MACROD2: variants seen among roughly 807,000 people sequenced by gnomAD.
MACROD2 encodes the protein mono-ADP ribosylhydrolase 2.
Under a neutral mutation model 70.4 loss-of-function variants are expected in MACROD2, and 36 were observed. That is an observed-to-expected ratio of 0.51 (90% CI 0.39 to 0.68). The LOEUF (loss-of-function observed/expected upper bound fraction) is 0.68, where lower values mean the gene tolerates loss of function less well. MACROD2 is among the 30% of genes least tolerant of loss of function. The pLI is 0.00. For missense variants in MACROD2, 496 were observed against 538.4 expected (o/e 0.92, Z 0.78); for synonymous variants, 172 against 178.8 (o/e 0.96, Z 0.30).
intron 4 of MACROD2, among the ~76,000 whole-genome samples, chr20:14,560,421 A>G (rs1979354352): frequency 6.6e-6 from 1 of 151,812 alleles, no homozygotes; most frequent in Admixed American, 6.6e-5. Flanking sequence ...ATATTCAGAT[A>G]CAGACATCAT....
chr20:14,793,900 G>A (rs1429405993), intron 5 of MACROD2, among the ~76,000 whole-genome samples: 1 of 152,064 alleles, frequency 6.6e-6, no homozygotes, highest in East Asian at 1.9e-4. Context: ...GGGCTTCTCT[G>A]ACAGTAATGA....
At chr20:14,709,412 C>G (rs2071310972) in intron 5 of MACROD2, among the ~76,000 whole-genome samples, 1 of 152,108 alleles carries the variant, frequency 6.6e-6, no homozygotes, top group East Asian at 1.9e-4. Flanking sequence ...CTCTCACACA[C>G]TCACATAAGG....
chr20:15,571,883 A>G (rs2048380831), intron 8 of MACROD2, among the ~76,000 whole-genome samples: 1 of 152,148 alleles, frequency 6.6e-6, no homozygotes, highest in South Asian at 2.1e-4. Context: ...CAAGTTCTGT[A>G]ATTTTTTTAA....
chr20:14,186,932 CAG>C (rs758026125), intron 3 of MACROD2, among the ~76,000 whole-genome samples: 24 of 152,016 alleles, frequency 1.6e-4, no homozygotes, highest in Non-Finnish European at 3.2e-4. Context: ...GCAGTAGACA[CAG>C]GGCACTGGGG....
chr20:15,071,617 T>C, intron 5 of MACROD2, among the ~76,000 whole-genome samples: 1 of 152,232 alleles, frequency 6.6e-6, no homozygotes, highest in East Asian at 1.9e-4. Context: ...CTGATTGTGT[T>C]GATTTTGCCC....
At chr20:15,430,613 A>G (rs1443722209) in intron 6 of MACROD2, among the ~76,000 whole-genome samples, 1 of 152,012 alleles carries the variant, frequency 6.6e-6, no homozygotes, top group Non-Finnish European at 1.5e-5. Context: ...ATTTTTTTCA[A>G]TCAAATTCTC....
chr20:14,143,179 T>C (rs1202059839), intron 3 of MACROD2, among the ~76,000 whole-genome samples: 3 of 152,202 alleles, frequency 2.0e-5, no homozygotes, highest in Admixed American at 1.3e-4. Context: ...GCTTTGTACA[T>C]TGTTTTCAAT....
chr20:14,795,721 TCATCAAC>T (rs892039390), intron 5 of MACROD2, among the ~76,000 whole-genome samples: 18 of 152,054 alleles, frequency 1.2e-4, no homozygotes. Context: ...TTTTTAAAAA[TCATCAAC>T]CATGTATCTG....
At chr20:15,740,287 G>A (rs986962080) in intron 8 of MACROD2, among the ~76,000 whole-genome samples, 15 of 152,202 alleles carry the variant, frequency 9.9e-5, no homozygotes, top group Non-Finnish European at 2.1e-4. Context: ...GTGAGCCCTG[G>A]AGGAAAAGAA....
intron 8 of MACROD2, among the ~76,000 whole-genome samples, chr20:15,785,510 A>G (rs1266040313): frequency 6.6e-6 from 1 of 152,198 alleles, no homozygotes; most frequent in African/African-American, 2.4e-5. Flanking sequence ...TAGGGGAGAA[A>G]AAACATAAGG....
intron 4 of MACROD2, among the ~76,000 whole-genome samples, chr20:14,550,786 A>T (rs1456263189): frequency 4.6e-5 from 7 of 152,216 alleles, no homozygotes; most frequent in Non-Finnish European, 1.0e-4. Flanking sequence ...CATAGTCAGT[A>T]TTCAATGGCC....
At chr20:14,289,535 CTGTT>C (rs889408167) in intron 3 of MACROD2, among the ~76,000 whole-genome samples, 20 of 152,176 alleles carry the variant, frequency 1.3e-4, no homozygotes, top group African/African-American at 2.6e-4. Flanking sequence ...TTCTCATAGT[CTGTT>C]TGTTTGTTTT....
chr20:15,362,419 G>C (rs2146246792), intron 6 of MACROD2, among the ~76,000 whole-genome samples: 1 of 145,290 alleles, frequency 6.9e-6, no homozygotes, highest in Admixed American at 6.8e-5. Flanking sequence ...CATGATGTTA[G>C]CTGTAGGTTT....
At chr20:14,943,805 G>T (rs554186894) in intron 5 of MACROD2, among the ~76,000 whole-genome samples, 2 of 152,132 alleles carry the variant, frequency 1.3e-5, no homozygotes, top group Admixed American at 6.5e-5. Context: ...GCATGTTCCT[G>T]ACTTTCTATA....
At chr20:15,443,861 G>C (rs1326970801) in intron 7 of MACROD2, among the ~76,000 whole-genome samples, 3 of 152,044 alleles carry the variant, frequency 2.0e-5, no homozygotes, top group African/African-American at 7.2e-5. Flanking sequence ...TGACACCCTG[G>C]TTTCTATTTT....
intron 13 of MACROD2, among the ~76,000 whole-genome samples, chr20:15,970,186 C>T (rs1363860574): frequency 1.3e-5 from 2 of 152,048 alleles, no homozygotes; most frequent in Admixed American, 6.6e-5. Flanking sequence ...AAGAAAGGCA[C>T]AGTTCATCAC....
chr20:14,201,483 T>A (rs1461477679), intron 3 of MACROD2, among the ~76,000 whole-genome samples: 1 of 152,202 alleles, frequency 6.6e-6, no homozygotes, highest in East Asian at 1.9e-4. Flanking sequence ...CCTTCCTTGT[T>A]CTTTGAGGTT....
At chr20:14,838,378 A>G (rs971656960) in intron 5 of MACROD2, among the ~76,000 whole-genome samples, 5 of 152,140 alleles carry the variant, frequency 3.3e-5, no homozygotes, top group Non-Finnish European at 2.9e-5. Flanking sequence ...GAACATTATT[A>G]TGTTCATATT....
At chr20:15,871,101 G>C (rs568410185) in intron 9 of MACROD2, among the ~76,000 whole-genome samples, 1 of 145,864 alleles carries the variant, frequency 6.9e-6, no homozygotes, top group Non-Finnish European at 1.5e-5. Context: ...GCTTGAACCC[G>C]AGAGGTGGAG....
Sources: gnomAD v4.1 joint callset for allele counts (sites outside exome capture counted in the v4.1 genomes callset) on GRCh38, gnomAD v4.1.1 for gene constraint, MANE v1.5 for transcripts, NCBI Gene and HGNC (gene_info 2026-07-23, HGNC 2026-07-21) for gene names.